The following DLGAP2 variants were observed in gnomAD, a reference collection of about 807,000 sequenced individuals.
DLGAP2 encodes the protein DLG associated protein 2.
Under a neutral mutation model 100.3 loss-of-function variants are expected in DLGAP2, and 26 were observed. The ratio of observed to expected loss-of-function variants is 0.26; its 90% CI spans 0.19 to 0.36. DLGAP2 has a LOEUF of 0.36. Among genes scored for constraint, DLGAP2 ranks in the 10% least tolerant of loss-of-function variants. The pLI is 1.00. For missense variants in DLGAP2, 1,858 were observed against 1,453.2 expected, an observed-to-expected ratio of 1.28 and a Z score of -4.53; for synonymous variants, 886 against 630.1, an observed-to-expected ratio of 1.41 and a Z score of -6.08.
intron 2 of DLGAP2, among the ~76,000 whole-genome samples, chr8:950,010 A>G (rs1056225936): frequency 1.3e-5 from 2 of 152,212 alleles, no homozygotes; most frequent in Non-Finnish European, 2.9e-5. Flanking sequence ...CACTCGGACA[A>G]ATCGCTGCAA....
intron 2 of DLGAP2, among the ~76,000 whole-genome samples, chr8:1,203,566 C>G (rs1189014715): frequency 6.6e-6 from 1 of 152,214 alleles, no homozygotes; most frequent in African/African-American, 2.4e-5. Flanking sequence ...TTTTATCTAG[C>G]AGATTCTCTA....
intron 2 of DLGAP2, among the ~76,000 whole-genome samples, chr8:1,028,043 C>T (rs1256033798): frequency 2.9e-5 from 3 of 104,106 alleles, no homozygotes; most frequent in East Asian, 3.5e-4. Flanking sequence ...GTAGGGTGCT[C>T]GGTGCCCATT....
chr8:1,341,736 G>A (rs914685011), intron 3 of DLGAP2, among the ~76,000 whole-genome samples: 2 of 152,172 alleles, frequency 1.3e-5, no homozygotes, highest in East Asian at 1.9e-4. Context: ...TTTTGGGCAC[G>A]TTAGCAGGGT....
intron 2 of DLGAP2, among the ~76,000 whole-genome samples, chr8:1,112,813 C>T (rs1452754093): frequency 3.3e-5 from 5 of 152,186 alleles, no homozygotes; most frequent in Non-Finnish European, 4.4e-5. Flanking sequence ...CCTAGGTTGT[C>T]TCCCAGGGTT....
intron 2 of DLGAP2, among the ~76,000 whole-genome samples, chr8:1,245,698 G>A (rs979280472): frequency 6.6e-6 from 1 of 152,230 alleles, no homozygotes; most frequent in African/African-American, 2.4e-5. Flanking sequence ...ATTGAGCTGT[G>A]CACTTTCAGT....
At chr8:961,503 C>T (rs1286155446) in intron 2 of DLGAP2, among the ~76,000 whole-genome samples, 1 of 152,150 alleles carries the variant, frequency 6.6e-6, no homozygotes, top group East Asian at 1.9e-4. Context: ...AATGTAGACA[C>T]CAGTTCTGTT....
At chr8:1,591,344 A>C (rs1322137133) in intron 6 of DLGAP2, among the ~76,000 whole-genome samples, 1 of 152,122 alleles carries the variant, frequency 6.6e-6, no homozygotes, top group East Asian at 1.9e-4. Context: ...GGGAAGGAGG[A>C]TGGAGGAGAA....
intron 3 of DLGAP2, among the ~76,000 whole-genome samples, chr8:1,376,690 G>A (rs1440954985): frequency 8.2e-6 from 1 of 121,588 alleles, no homozygotes; most frequent in Non-Finnish European, 1.7e-5. Flanking sequence ...TCGGCGGATG[G>A]CGGGGACAGG....
chr8:1,683,026 C>T (rs73672928), intron 12 of DLGAP2, among the ~76,000 whole-genome samples: 2,672 of 151,306 alleles, frequency 0.018, 84 homozygotes, highest in African/African-American at 0.059. Context: ...TTACTTACGA[C>T]GAAGCAAGCC....
At chr8:1,067,614 T>A (rs1201625113) in intron 2 of DLGAP2, among the ~76,000 whole-genome samples, 1 of 150,220 alleles carries the variant, frequency 6.7e-6, no homozygotes, top group East Asian at 2.0e-4. Flanking sequence ...CGTGTGTGTG[T>A]GTGTGTGTGT....
intron 1 of DLGAP2, among the ~76,000 whole-genome samples, chr8:777,634 T>C (rs1356984935): frequency 6.6e-6 from 1 of 152,196 alleles, no homozygotes; most frequent in Non-Finnish European, 1.5e-5. Context: ...GGATATGAAA[T>C]TCTGGGTTGA....
rs533376549 is a variant in DLGAP2, at chr8:1,257,033, C to T, written c.74-1818C>T. On this transcript the variant is annotated intron_variant, in intron 2 of 14. Coordinates refer to ENST00000637795, the MANE Select transcript of DLGAP2 (RefSeq NM_001346810.2). ...TACTTCAGGTCCTGCCCTGCGGCCCCGACGTCTTCTCTCCCGTCCCCTCCA... is the reference window on the plus strand; with the variant it reads ...TACTTCAGGTCCTGCCCTGCGGCCCTGACGTCTTCTCTCCCGTCCCCTCCA... Among the ~76,000 whole-genome samples the T allele has an allele frequency of 1.2e-4, 19 of 152,200 alleles. No homozygotes were observed. The South Asian group carries it at 3.5e-3, about 28-fold the overall frequency.
chr8:850,177 C>A (rs1199208206), intron 1 of DLGAP2, among the ~76,000 whole-genome samples: 1 of 152,152 alleles, frequency 6.6e-6, no homozygotes, highest in African/African-American at 2.4e-5. Flanking sequence ...ATATCTCCCC[C>A]ACCTTTGCGT....
chr8:907,853 A>G (rs1318606041), intron 1 of DLGAP2, 59 bp from the exon 2 acceptor site: 2 of 398,486 alleles, frequency 5.0e-6, no homozygotes, highest in Non-Finnish European at 8.9e-6. Context: ...ACAGTTAATG[A>G]GATGCCTTCC....
intron 2 of DLGAP2, among the ~76,000 whole-genome samples, chr8:1,177,190 T>G (rs1200586566): frequency 1.3e-5 from 2 of 152,168 alleles, no homozygotes; most frequent in African/African-American, 4.8e-5. Context: ...CTGGGGCCCT[T>G]ACATCTTTTC....
At chr8:987,058 A>T (rs1800508380) in intron 2 of DLGAP2, among the ~76,000 whole-genome samples, 1 of 152,136 alleles carries the variant, frequency 6.6e-6, no homozygotes, top group East Asian at 1.9e-4. Flanking sequence ...TCAGGTTCGA[A>T]TTTGATTTTT....
intron 2 of DLGAP2, among the ~76,000 whole-genome samples, chr8:1,220,521 A>G (rs1798295307): frequency 6.6e-6 from 1 of 152,182 alleles, no homozygotes; most frequent in African/African-American, 2.4e-5. Flanking sequence ...CTGTATGGCC[A>G]AGGATGTTAT....
chr8:1,008,699 C>G (rs990732945), intron 2 of DLGAP2, among the ~76,000 whole-genome samples: 1 of 152,206 alleles, frequency 6.6e-6, no homozygotes, highest in Non-Finnish European at 1.5e-5. Flanking sequence ...AGGACTGGTA[C>G]TCACTACATC....
intron 2 of DLGAP2, among the ~76,000 whole-genome samples, chr8:1,051,830 T>C (rs1432794798): frequency 6.6e-6 from 1 of 152,150 alleles, no homozygotes; most frequent in Non-Finnish European, 1.5e-5. Context: ...GGCTTAGCTC[T>C]ACTCCTCTCT....
Sources: gnomAD v4.1 joint callset for allele counts (sites outside exome capture counted in the v4.1 genomes callset) on GRCh38, gnomAD v4.1.1 for gene constraint, MANE v1.5 for transcripts, NCBI Gene and HGNC (gene_info 2026-07-23, HGNC 2026-07-21) for gene names.